The following ATP6V1H variants were observed in gnomAD, a reference collection of about 807,000 sequenced individuals.
The protein encoded by ATP6V1H is V-type proton ATPase subunit H.
In ATP6V1H, 39 loss-of-function variants were observed where a neutral mutation model predicts 71.7. The ratio of observed to expected loss-of-function variants is 0.54; its 90% confidence interval spans 0.42 to 0.71. The LOEUF (loss-of-function observed/expected upper bound fraction) is 0.71. Ranked by LOEUF, ATP6V1H falls within the 30% of genes least tolerant of loss-of-function variation. The probability of loss-of-function intolerance (pLI) is 0.00; values close to 1 mark genes in which losing one functional copy is unlikely to be tolerated. For missense variants in ATP6V1H, 509 were observed against 594.9 expected (o/e 0.86, Z 1.50); for synonymous variants, 192 against 199.3 (o/e 0.96, Z 0.31).
chr8:53,733,558 G>A (rs1219274681), intron 13 of ATP6V1H, among the ~76,000 whole-genome samples: 3 of 152,244 alleles, frequency 2.0e-5, no homozygotes, highest in African/African-American at 7.2e-5. Context: ...CAGATCTGCA[G>A]ACAGCAGGTA....
At chr8:53,719,634 C>A (rs138655093) in intron 13 of ATP6V1H, among the ~76,000 whole-genome samples, 1 of 152,196 alleles carries the variant, frequency 6.6e-6, no homozygotes, top group Non-Finnish European at 1.5e-5. Context: ...CCATCTGGAC[C>A]GCGTTCCGAG....
At chr8:53,736,029 C>T (rs1042739681) in intron 13 of ATP6V1H, among the ~76,000 whole-genome samples, 3 of 152,172 alleles carry the variant, frequency 2.0e-5, no homozygotes, top group Non-Finnish European at 4.4e-5. Context: ...ACTAGTCTAC[C>T]CACGGCCGAA....
chr8:53,782,212 T>C (rs1708810085), intron 9 of ATP6V1H, among the ~76,000 whole-genome samples: 1 of 152,020 alleles, frequency 6.6e-6, no homozygotes, highest in South Asian at 2.1e-4. Flanking sequence ...CCTCTTTTAT[T>C]TCACTGAGCA....
In ATP6V1H at chr8:53,737,988, A is replaced by G. The variant is rs147322461; in HGVS notation, c.1391+5589T>C. Among the ~76,000 whole-genome samples, 6 of 152,320 alleles carry G rather than the reference A, an allele frequency of 3.9e-5. No individual in the cohort carries two copies. In the East Asian group the frequency reaches 1.2e-3, roughly 29 times the overall value. ...ATGACTTAACATCTGGGTGACATAC[A>G]TAAAGGGAAACTGAGAAAATAATTC... On this transcript the variant is annotated intron_variant, in intron 13 of 13. Transcript: ENST00000359530.
At chr8:53,749,995 T>C (rs1349853843) in intron 12 of ATP6V1H, among the ~76,000 whole-genome samples, 1 of 152,240 alleles carries the variant, frequency 6.6e-6, no homozygotes, top group Non-Finnish European at 1.5e-5. Flanking sequence ...GGAACAGTTT[T>C]ATTCCTGAAC....
rs568777025 is a variant in ATP6V1H at position 53,807,227 on chromosome 8, C to CAAAGCCAAAGCAGTG, written c.579+3936_579+3937insCACTGCTTTGGCTTT. ...CATCAGCACAGCATTAAATTAAAAA[C>CAAAGCCAAAGCAGTG]AAACTAGTCTCTCATTAACAAGAAT... On this transcript the variant is annotated intron_variant, in intron 7 of 13. Coordinates refer to ENST00000359530, the MANE Select transcript of ATP6V1H (RefSeq NM_015941.4). Among the ~76,000 whole-genome samples the CAAAGCCAAAGCAGTG allele has an allele frequency of 2.2e-3, 338 of 152,200 alleles. 2 individuals carry two copies. The highest frequency in any genetic ancestry group is 7.9e-3 in the African/African-American group (327 of 41,542).
At position 53,735,447 on chromosome 8, in the gene ATP6V1H, T is replaced by C. The variant is rs543013216; in HGVS notation, c.1391+8130A>G. Among the ~76,000 whole-genome samples the C allele has an allele frequency of 3.9e-5, 6 of 152,244 alleles. No homozygotes were observed. The South Asian group carries it at 1.2e-3, about 32-fold the overall frequency. On this transcript the variant is annotated intron_variant, in intron 13 of 13. Transcript: ENST00000359530. ...AAAGTTCAGAAAAAGGTAAAACACA[T>C]AAACTGGCACTCAAGCAGCTACTGA... is the stretch of plus-strand genomic sequence containing the variant.
At chr8:53,836,117 T>C (rs16919584) in intron 2 of ATP6V1H, among the ~76,000 whole-genome samples, 7,835 of 152,198 alleles carry the variant, frequency 0.051, 624 homozygotes, top group African/African-American at 0.17. Context: ...CACCCTGGGG[T>C]AGACTAAAAT....
At chr8:53,754,661 T>C (rs781043508) in intron 12 of ATP6V1H, among the ~76,000 whole-genome samples, 32 of 152,208 alleles carry the variant, frequency 2.1e-4, no homozygotes, top group Non-Finnish European at 4.3e-4. Flanking sequence ...TTATTGTCTC[T>C]TTGAGAAGAA....
At chr8:53,753,420 G>A (rs1273015454) in intron 12 of ATP6V1H, among the ~76,000 whole-genome samples, 1 of 152,178 alleles carries the variant, frequency 6.6e-6, no homozygotes, top group African/African-American at 2.4e-5. Context: ...AGACAGTAAG[G>A]CAGGGAGAAA....
chr8:53,827,982 T>C (rs1428483779), intron 4 of ATP6V1H, among the ~76,000 whole-genome samples: 1 of 152,240 alleles, frequency 6.6e-6, no homozygotes, highest in South Asian at 2.1e-4. Flanking sequence ...ATGGAGTATA[T>C]GTACGTTTTC....
At chr8:53,755,713 T>G (rs1326559635) in intron 12 of ATP6V1H, among the ~76,000 whole-genome samples, 5 of 6,120 alleles carry the variant, frequency 8.2e-4, no homozygotes, top group Non-Finnish European at 1.4e-3. Context: ...TATATATATA[T>G]ATATATATAT....
intron 4 of ATP6V1H, among the ~76,000 whole-genome samples, chr8:53,827,275 C>T (rs1441421308): frequency 2.0e-5 from 3 of 151,524 alleles, no homozygotes; most frequent in Admixed American, 6.6e-5. Context: ...CCCAGTTTCT[C>T]GGGAGGCTGA....
At chr8:53,817,649 G>A in intron 4 of ATP6V1H, 119 bp from the exon 5 acceptor site, 5 of 604,332 alleles carry the variant, frequency 8.3e-6, no homozygotes, top group South Asian at 8.2e-5. Context: ...GTGTGTGTAT[G>A]TGTGATTTGT....
chr8:53,735,861 GTGT>G (rs2130150387), intron 13 of ATP6V1H, among the ~76,000 whole-genome samples: 1 of 152,242 alleles, frequency 6.6e-6, no homozygotes, highest in South Asian at 2.1e-4. Context: ...AAAGTTGCAG[GTGT>G]TGTTTCTTGG....
intron 12 of ATP6V1H, among the ~76,000 whole-genome samples, chr8:53,751,728 C>T (rs1031064461): frequency 2.0e-5 from 3 of 150,554 alleles, no homozygotes; most frequent in African/African-American, 4.9e-5. Flanking sequence ...AGAGTACAGT[C>T]GCGCAGCCTA....
chr8:53,810,157 C>T (rs368845591), intron 7 of ATP6V1H, among the ~76,000 whole-genome samples: 2 of 152,194 alleles, frequency 1.3e-5, no homozygotes, highest in East Asian at 3.8e-4. Context: ...AAACTACCCT[C>T]TAAAGATACT....
At chr8:53,794,487 T>A (rs1231267791) in intron 9 of ATP6V1H, among the ~76,000 whole-genome samples, 1 of 152,132 alleles carries the variant, frequency 6.6e-6, no homozygotes, top group Non-Finnish European at 1.5e-5. Flanking sequence ...TGTCTCAGCC[T>A]CCTGAGCAGC....
At chr8:53,831,742 A>G (rs1811011312) in intron 3 of ATP6V1H, 1 of 147,796 alleles carries the variant, frequency 6.8e-6, no homozygotes, top group South Asian at 2.1e-4. Context: ...ATCAATAATT[A>G]CACTCTTTTT....
Sources: allele counts gnomAD v4.1 joint callset (sites outside exome capture counted in the v4.1 genomes callset), GRCh38; gene constraint gnomAD v4.1.1; transcripts MANE v1.5; gene names NCBI Gene and HGNC (gene_info 2026-07-23, HGNC 2026-07-21).